Variants in CAPN1 observed in about 807,000 individuals in gnomAD.
The protein encoded by CAPN1 is calpain 1.
CAPN1 carries 77 observed loss-of-function variants against 105.2 expected under a neutral mutation model. The ratio of observed to expected loss-of-function variants is 0.73; its 90% CI spans 0.61 to 0.88. The LOEUF (loss-of-function observed/expected upper bound fraction) is 0.88, where lower values mean the gene tolerates loss of function less well. CAPN1 is among the 40% of genes least tolerant of loss of function. The pLI is 0.00. For missense variants in CAPN1, 833 were observed against 976.6 expected (o/e 0.85, Z 1.96); for synonymous variants, 355 against 388.8 (o/e 0.91, Z 1.02).
chr11:65,211,509 C>T lies in CAPN1; in HGVS notation c.*223C>T. 1 of 593,980 alleles carries T rather than the reference C, an allele frequency of 1.7e-6. No individual in the cohort carries two copies. The highest frequency in any genetic ancestry group is 2.8e-5 in the Admixed American group (1 of 35,638). The allele number at this position is 593,980 out of a possible 1,614,324, so 36.8% of individuals were successfully genotyped here. On this transcript the variant is annotated 3_prime_UTR_variant, in exon 22 of 22. Coordinates refer to ENST00000279247, the MANE Select transcript of CAPN1 (RefSeq NM_005186.4). ...GCCAGCCATGGGCTCGGGATGGACTCCCTGGGCCCCACCCATTGCCAAGCC... is the reference window on the plus strand; with the variant it reads ...GCCAGCCATGGGCTCGGGATGGACTTCCTGGGCCCCACCCATTGCCAAGCC...
chr11:65,188,530 C>T lies in CAPN1; in HGVS notation c.1004+42C>T, dbSNP rs1294660686. 1.2e-6 allele frequency: 2 copies of T among 1,612,954 alleles called. No individual in the cohort carries two copies. Among genetic ancestry groups the T allele is most frequent in the Non-Finnish European group, 8.5e-7 (1 of 1,179,076 alleles). On this transcript the variant is annotated intron_variant, in intron 9 of 21. Transcript: ENST00000279247. This position sits in a 1 kb window ranked among gnomAD's most constrained non-coding sequence, Gnocchi z 5.5. ...CTTCTACCCCACCTCTCCACCCCTACACATCAGCTCTGTGCCCTGACGGGC... is the reference window on the plus strand; with the variant it reads ...CTTCTACCCCACCTCTCCACCCCTATACATCAGCTCTGTGCCCTGACGGGC...
chr11:65,210,280 C>G lies in CAPN1; in HGVS notation c.1943-56C>G. 7.5e-7 allele frequency: 1 copy of G among 1,327,294 alleles called. No homozygotes were observed. The highest frequency in any genetic ancestry group is 1.1e-6 in the Non-Finnish European group (1 of 931,488). The allele number at this position is 1,327,294 out of a possible 1,614,324, so 82.2% of individuals were successfully genotyped here. Reference sequence around the variant, plus strand: ...CCTCCTGGGGACCCAACCCCTCCCCCATCCTGTTGGGCAGGGGCTGCGCCT... The same window carrying G: ...CCTCCTGGGGACCCAACCCCTCCCCGATCCTGTTGGGCAGGGGCTGCGCCT... On this transcript the variant is annotated intron_variant, in intron 19 of 21. Transcript: ENST00000279247. The surrounding 1 kb of genome is among the most constrained non-coding windows in gnomAD (Gnocchi z 4.3).
In CAPN1 at chr11:65,211,472, G is replaced by T. The variant is rs1949049097; in HGVS notation, c.*186G>T. ...CATCTGCTCCGGGCAGAACTGTGTG[G>T]CCCCTGCCTGTGCCAGCCATGGGCT... is the stretch of plus-strand genomic sequence containing the variant. On this transcript the variant is annotated 3_prime_UTR_variant, in exon 22 of 22. Transcript: ENST00000279247. 3 of 634,986 alleles carry T rather than the reference G, an allele frequency of 4.7e-6. No individual in the cohort carries two copies. Among genetic ancestry groups the T allele is most frequent in the Non-Finnish European group, 8.5e-6 (3 of 352,660 alleles). 39.3% of individuals were successfully genotyped at this position (634,986 alleles called of 1,614,324 possible). A position where few individuals can be genotyped will look rare whatever the true frequency, so the allele number is the denominator to read the frequency against.
chr11:65,197,888 GAAAAAAAAAA>G (rs71049687), intron 10 of CAPN1, among the ~76,000 whole-genome samples: 3 of 83,490 alleles, frequency 3.6e-5, no homozygotes, highest in African/African-American at 1.5e-4. Context: ...AACTCTATCT[GAAAAAAAAAA>G]AAAAAAAAAA....
Position 65,206,538 on chromosome 11 carries a change from T to G in CAPN1, c.1429T>G (p.Phe477Val). The G allele has an allele frequency of 6.2e-7, 1 of 1,613,452 alleles. No homozygotes were observed. ...ANASRARSEQ[F>V]INLREVSTRF... ...TGCGTCTCGGGCGCGCTCAGAGCAG[T>G]TCATCAACCTGCGAGAGGTCAGCAC... Residue 477 changes from phenylalanine (F) to valine (V), a missense_variant, in exon 13 of 22, where the codon TTC becomes GTC. Transcript: ENST00000279247.
chr11:65,206,758 C>CTTTCCT (rs1289935566), intron 13 of CAPN1, 22 bp from the exon 14 acceptor site: 1 of 1,612,650 alleles, frequency 6.2e-7, no homozygotes, highest in South Asian at 1.1e-5. Context: ...TGACTGGCTC[C>CTTTCCT]TTTCCTCCCC....
rs1396080461 is a variant in CAPN1 at position 65,208,186 on chromosome 11, A to T, written c.1672-19A>T. On this transcript the variant is annotated intron_variant, in intron 15 of 21. Transcript: ENST00000279247. The surrounding 1 kb of genome is among the most constrained non-coding windows in gnomAD (Gnocchi z 4.1). ...GCAGCCCTCTCCTGGGGCAGGTGCC[A>T]CCTCCTCTCTCTCCCCAGGACATGG... 2 of 1,583,796 alleles carry T rather than the reference A, an allele frequency of 1.3e-6. No individual in the cohort carries two copies. Among genetic ancestry groups the T allele is most frequent in the African/African-American group, 2.7e-5 (2 of 74,152 alleles).
At position 65,207,800 on chromosome 11, in the gene CAPN1, C is replaced by A. The variant is rs371248865; in HGVS notation, c.1606-255C>A. On this transcript the variant is annotated intron_variant, in intron 14 of 21. Coordinates refer to ENST00000279247, the MANE Select transcript of CAPN1 (RefSeq NM_005186.4). ...TGGTGGTGGGCACCTTTAATCCCAG[C>A]TACTCAGGAGGCTGAGGCAGGGAGA... Among the ~76,000 whole-genome samples the A allele has an allele frequency of 4.6e-5, 7 of 152,228 alleles. No homozygotes were observed. The East Asian group carries it at 1.2e-3, about 25-fold the overall frequency.
intron 10 of CAPN1, among the ~76,000 whole-genome samples, chr11:65,201,102 G>A (rs1263954631): frequency 2.0e-5 from 3 of 151,268 alleles, no homozygotes; most frequent in African/African-American, 4.9e-5. Flanking sequence ...CCACCACCAC[G>A]CCCGGGTAAT....
intron 10 of CAPN1, among the ~76,000 whole-genome samples, chr11:65,193,259 G>A (rs1309284135): frequency 2.6e-5 from 4 of 151,286 alleles, no homozygotes; most frequent in South Asian, 4.2e-4. Flanking sequence ...GATTACAGGC[G>A]TGAGCCACTG....
rs760473904 is a variant in CAPN1, at chr11:65,210,803, T to G, written c.2060-11T>G. 6.2e-7 allele frequency: 1 copy of G among 1,612,374 alleles called. No homozygotes were observed. Among genetic ancestry groups the G allele is most frequent in the Non-Finnish European group, 8.5e-7 (1 of 1,178,510 alleles). ...TTTTCAGCCCTGTATCACCTTTTCTTGAACACACAGGATTTTTCAAAACTC... is the reference window on the plus strand; with the variant it reads ...TTTTCAGCCCTGTATCACCTTTTCTGGAACACACAGGATTTTTCAAAACTC... On this transcript the variant is annotated splice_polypyrimidine_tract_variant and intron_variant, in intron 20 of 21. Coordinates refer to ENST00000279247, the MANE Select transcript of CAPN1 (RefSeq NM_005186.4). The surrounding 1 kb of genome is among the most constrained non-coding windows in gnomAD (Gnocchi z 4.3).
chr11:65,209,767 C>T lies in CAPN1; in HGVS notation c.1795-82C>T, dbSNP rs574628261. 2.5e-5 allele frequency: 35 copies of T among 1,381,150 alleles called. No homozygotes were observed. Among genetic ancestry groups the T allele is most frequent in the East Asian group, 1.9e-4 (8 of 41,046 alleles). The allele number at this position is 1,381,150 out of a possible 1,614,324, so 85.6% of individuals were successfully genotyped here. ...GCCCCAAGTCGACTTGCCGGCTCGG[C>T]GGCCATCTCCCCTTCTGCACAGTTG... On this transcript the variant is annotated intron_variant, in intron 17 of 21. Transcript: ENST00000279247. This position sits in a 1 kb window ranked among gnomAD's most constrained non-coding sequence, Gnocchi z 4.1.
chr11:65,202,159 G>C (rs536324089), intron 10 of CAPN1, among the ~76,000 whole-genome samples: 13 of 152,220 alleles, frequency 8.5e-5, no homozygotes, highest in South Asian at 8.3e-4. Context: ...TGACATTCCT[G>C]ACGGGGGTTC....
In CAPN1 at chr11:65,209,239, G is replaced by T. The variant is rs1949007249; in HGVS notation, c.1730-84G>T. On this transcript the variant is annotated intron_variant, in intron 16 of 21. Coordinates refer to ENST00000279247, the MANE Select transcript of CAPN1 (RefSeq NM_005186.4). The surrounding 1 kb of genome is among the most constrained non-coding windows in gnomAD (Gnocchi z 4.1). ...CACTCGTCAGGATTTGTGCGTCCTTGACTCTGCCCCACCCAGTGCTCCCAG... is the reference window on the plus strand; with the variant it reads ...CACTCGTCAGGATTTGTGCGTCCTTTACTCTGCCCCACCCAGTGCTCCCAG... 9.3e-7 allele frequency: 1 copy of T among 1,078,620 alleles called. No individual in the cohort carries two copies. The highest frequency in any genetic ancestry group is 1.3e-5 in the South Asian group (1 of 75,674). 66.8% of individuals were successfully genotyped at this position (1,078,620 alleles called of 1,614,324 possible).
At chr11:65,193,644 C>CA (rs34729975) in intron 10 of CAPN1, among the ~76,000 whole-genome samples, 1,409 of 58,468 alleles carry the variant, frequency 0.024, 69 homozygotes, top group Middle Eastern at 0.037. Flanking sequence ...GACTCTGTCT[C>CA]AAAAAAAAAA....
chr11:65,209,368 G>A lies in CAPN1; in HGVS notation c.1775G>A (p.Ser592Asn). 1 of 1,613,750 alleles carries A rather than the reference G, an allele frequency of 6.2e-7. No homozygotes were observed. The highest frequency in any genetic ancestry group is 8.5e-7 in the Non-Finnish European group (1 of 1,179,756). The stretch of plus-strand genomic sequence containing the variant: ...GGCTTCAGCCTAGAGTCGTGCCGCA[G>A]CATGGTGAACCTCATGGATGTATCC... ...TKGFSLESCRSMVNLMDRDGN... is the reference protein window; with the variant it reads ...TKGFSLESCRNMVNLMDRDGN... The change falls in exon 17 of 22, where the codon AGC becomes AAC. Residue 592 changes from serine (S) to asparagine (N), a missense_variant. Coordinates refer to ENST00000279247, the MANE Select transcript of CAPN1 (RefSeq NM_005186.4). The surrounding 1 kb of genome is among the most constrained non-coding windows in gnomAD (Gnocchi z 4.1).
intron 10 of CAPN1, among the ~76,000 whole-genome samples, chr11:65,194,939 C>G (rs993953290): frequency 6.6e-5 from 10 of 152,006 alleles, no homozygotes; most frequent in African/African-American, 2.4e-4. Flanking sequence ...TTTTGAGGAA[C>G]TGCCAATTGT....
intron 1 of CAPN1, chr11:65,182,234 G>T: frequency 6.2e-6 from 1 of 160,922 alleles, no homozygotes; most frequent in Admixed American, 6.1e-5. Context: ...AGCCTGCTGC[G>T]GGGGCCTGAG....
At chr11:65,197,888 G>GAAAAAAAAAA (rs71049687) in intron 10 of CAPN1, among the ~76,000 whole-genome samples, 1 of 83,488 alleles carries the variant, frequency 1.2e-5, no homozygotes, top group Non-Finnish European at 2.1e-5. Context: ...AACTCTATCT[G>GAAAAAAAAAA]AAAAAAAAAA....
Sources: gnomAD v4.1 joint callset for allele counts (sites outside exome capture counted in the v4.1 genomes callset) on GRCh38, gnomAD v4.1.1 for gene constraint, Gnocchi (gnomAD v3.1) non-coding constraint, MANE v1.5 for transcripts, NCBI Gene and HGNC (gene_info 2026-07-23, HGNC 2026-07-21) for gene names.